XXYLT1: variants seen among roughly 807,000 people sequenced by gnomAD.
XXYLT1 encodes UDP-xylose:alpha-xyloside alpha-1,3-xylosyltransferase.
A neutral mutation model predicts 28.9 loss-of-function variants in XXYLT1; 20 were observed. The ratio of observed to expected loss-of-function variants is 0.69; its 90% CI spans 0.49 to 1.00. The LOEUF is 1.00. Among genes scored for constraint, XXYLT1 ranks in the 50% least tolerant of loss-of-function variants. XXYLT1 has a pLI of 0.00. For missense variants in XXYLT1, 542 were observed against 560.1 expected (o/e 0.97, Z 0.33); for synonymous variants, 257 against 253.8 (o/e 1.01, Z -0.12).
chr3:195,270,254 T>C, intron 1 of XXYLT1: 1 of 571,888 alleles, frequency 1.7e-6, no homozygotes, highest in East Asian at 3.6e-5. Context: ...TGCTGAACCC[T>C]GCAACGTTAG....
intron 2 of XXYLT1, among the ~76,000 whole-genome samples, chr3:195,212,864 C>T (rs1016831261): frequency 6.6e-6 from 1 of 152,198 alleles, no homozygotes; most frequent in Admixed American, 6.5e-5. Context: ...ATGTTGAGAA[C>T]CCTCAGTCAC....
At chr3:195,110,586 A>G (rs576485522) in intron 3 of XXYLT1, among the ~76,000 whole-genome samples, 230 of 19,542 alleles carry the variant, frequency 0.012, 68 homozygotes, top group Non-Finnish European at 0.021. Flanking sequence ...TGTGTGGTGT[A>G]TGTGTGTGTG....
At chr3:195,193,648 C>A (rs2108754865) in intron 2 of XXYLT1, among the ~76,000 whole-genome samples, 1 of 152,216 alleles carries the variant, frequency 6.6e-6, no homozygotes, top group East Asian at 1.9e-4. Flanking sequence ...AACTACAAAG[C>A]CACAGAAATC....
At chr3:195,098,779 A>G (rs1716601949) in intron 3 of XXYLT1, among the ~76,000 whole-genome samples, 1 of 152,180 alleles carries the variant, frequency 6.6e-6, no homozygotes, top group South Asian at 2.1e-4. Context: ...TCTTGATGGC[A>G]ATCAGAGGGA....
intron 1 of XXYLT1, among the ~76,000 whole-genome samples, chr3:195,251,829 G>C (rs1455087456): frequency 1.3e-5 from 2 of 152,174 alleles, no homozygotes; most frequent in Non-Finnish European, 2.9e-5. Context: ...GAGCTCACCA[G>C]GGTCCTGCAA....
chr3:195,113,975 A>C (rs915179034), intron 3 of XXYLT1, among the ~76,000 whole-genome samples: 8 of 152,198 alleles, frequency 5.3e-5, no homozygotes, highest in African/African-American at 1.4e-4. Flanking sequence ...GTGCAAGCAA[A>C]GATAAGCAGG....
intron 1 of XXYLT1, among the ~76,000 whole-genome samples, chr3:195,258,527 A>T (rs1178322521): frequency 6.6e-6 from 1 of 151,596 alleles, no homozygotes; most frequent in Non-Finnish European, 1.5e-5. Flanking sequence ...GAAACTAAGG[A>T]ACGTTCATAG....
chr3:195,206,554 A>G (rs1169042755), intron 2 of XXYLT1, among the ~76,000 whole-genome samples: 2 of 151,836 alleles, frequency 1.3e-5, no homozygotes, highest in Non-Finnish European at 2.9e-5. Context: ...GGATCACTTG[A>G]GGTCAGGAGT....
chr3:195,254,102 C>G (rs11917438), intron 1 of XXYLT1, among the ~76,000 whole-genome samples: 20,648 of 152,212 alleles, frequency 0.14, 3,070 homozygotes, highest in African/African-American at 0.36. Flanking sequence ...CCCCAAAGAC[C>G]CCCATAAATC....
At chr3:195,143,826 A>ATATATCTATATATATC (rs1719647858) in intron 3 of XXYLT1, among the ~76,000 whole-genome samples, 2 of 83,622 alleles carry the variant, frequency 2.4e-5, no homozygotes, top group African/African-American at 9.6e-5. Flanking sequence ...ATATAGATAT[A>ATATATCTATATATATC]TATAGATATA....
chr3:195,141,182 C>A (rs1348847210), intron 3 of XXYLT1, among the ~76,000 whole-genome samples: 1 of 152,186 alleles, frequency 6.6e-6, no homozygotes, highest in Non-Finnish European at 1.5e-5. Context: ...TTACAGTAGC[C>A]TGAACTAAGA....
intron 2 of XXYLT1, among the ~76,000 whole-genome samples, chr3:195,224,979 C>T (rs1319252665): frequency 6.6e-6 from 1 of 152,222 alleles, no homozygotes; most frequent in Non-Finnish European, 1.5e-5. Flanking sequence ...CCACCCACAG[C>T]TCCTGTACTG....
intron 3 of XXYLT1, among the ~76,000 whole-genome samples, chr3:195,132,700 C>A (rs1207814363): frequency 6.6e-6 from 1 of 152,160 alleles, no homozygotes; most frequent in Non-Finnish European, 1.5e-5. Context: ...AGGAGGAACG[C>A]CACGGTTTTA....
At position 195,270,781 on chromosome 3, in the gene XXYLT1, C is replaced by T; in HGVS notation, c.278G>A (p.Gly93Asp). Residue 93 changes from glycine (G) to aspartate (D), a missense_variant, in exon 1 of 4, where the codon GGT becomes GAT. Gly to Asp is a moderately conservative substitution (Grantham distance 94). Transcript: ENST00000310380. ...CAGGTGGTAGTCCACCGGCCCGGCA[C>T]CGCCGCCCTCCAAGCTCTTGGCCTT... ...GAKAKSLEGG[G>D]AGPVDYHLLM... 7 of 1,570,792 alleles carry T rather than the reference C, an allele frequency of 4.5e-6. No individual in the cohort carries two copies. The highest frequency in any genetic ancestry group is 6.0e-6 in the Non-Finnish European group (7 of 1,163,848).
At chr3:195,185,205 T>C (rs948879416) in intron 2 of XXYLT1, among the ~76,000 whole-genome samples, 2 of 151,160 alleles carry the variant, frequency 1.3e-5, no homozygotes, top group African/African-American at 4.9e-5. Flanking sequence ...TGCTGGAGAA[T>C]AGGGAAGAAA....
chr3:195,193,018 G>A (rs944884464), intron 2 of XXYLT1, among the ~76,000 whole-genome samples: 5 of 152,032 alleles, frequency 3.3e-5, no homozygotes, highest in Non-Finnish European at 7.4e-5. Flanking sequence ...AGGCACGATG[G>A]CTCACACCTG....
intron 3 of XXYLT1, among the ~76,000 whole-genome samples, chr3:195,101,811 G>C (rs1379689222): frequency 1.3e-5 from 2 of 150,346 alleles, no homozygotes; most frequent in Admixed American, 1.3e-4. Context: ...AAAAAAAAGG[G>C]GAGAGGGGAA....
chr3:195,208,162 T>G (rs113537628), intron 2 of XXYLT1, among the ~76,000 whole-genome samples: 4,811 of 152,308 alleles, frequency 0.032, 232 homozygotes, highest in African/African-American at 0.11. Flanking sequence ...GCCCACCACA[T>G]ACCCCAACAG....
intron 3 of XXYLT1, among the ~76,000 whole-genome samples, chr3:195,139,978 G>C (rs1434401865): frequency 6.6e-6 from 1 of 152,192 alleles, no homozygotes; most frequent in African/African-American, 2.4e-5. Flanking sequence ...TGCTGGTCTA[G>C]GGAGCAACAC....
Sources: allele counts gnomAD v4.1 joint callset (sites outside exome capture counted in the v4.1 genomes callset), GRCh38; gene constraint gnomAD v4.1.1; transcripts MANE v1.5; gene names NCBI Gene and HGNC (gene_info 2026-07-23, HGNC 2026-07-21).